ITGA8: variants seen among roughly 807,000 people sequenced by gnomAD.
ITGA8 encodes integrin subunit alpha 8, also known as integrin alpha-8.
ITGA8 carries 91 observed loss-of-function variants against 142.3 expected under a neutral mutation model. That is an observed-to-expected ratio of 0.64 (90% CI 0.54 to 0.76). The LOEUF is 0.76. Ranked by LOEUF, ITGA8 falls within the 30% of genes least tolerant of loss-of-function variation. The pLI, the probability that ITGA8 is intolerant of heterozygous loss-of-function variation, is 0.00. For synonymous variants in ITGA8, 505 were observed against 485.2 expected (o/e 1.04, Z -0.54); for missense variants, 1,406 against 1,327.7 (o/e 1.06, Z -0.92).
chr10:15,656,420 G>A (rs926889236), intron 10 of ITGA8, among the ~76,000 whole-genome samples: 1 of 151,914 alleles, frequency 6.6e-6, no homozygotes, highest in Admixed American at 6.6e-5. Context: ...CTGGAGTGCA[G>A]TGGTGTGATC....
At position 15,719,563 on chromosome 10, in the gene ITGA8, G is replaced by T. The variant is rs543367018; in HGVS notation, c.209C>A (p.Thr70Lys). The T allele has an allele frequency of 2.5e-5, 39 of 1,560,808 alleles. No homozygotes were observed. In the East Asian group the frequency reaches 9.1e-4, roughly 36 times the overall value. The change falls in exon 1 of 30, where the codon ACA becomes AAA. Residue 70 changes from threonine (T) to lysine (K), a missense_variant and splice_region_variant. Coordinates refer to ENST00000378076, the MANE Select transcript of ITGA8 (RefSeq NM_003638.3). Reference sequence around the variant, plus strand: ...CACCTCCCCGGGTCGGGCGACTTACGTGCGGGCGTCGGGTATGTGGAAGTC... The same window carrying T: ...CACCTCCCCGGGTCGGGCGACTTACTTGCGGGCGTCGGGTATGTGGAAGTC... ...AVDFHIPDAR[T>K]ASVLVGAPKA...
intron 28 of ITGA8, among the ~76,000 whole-genome samples, chr10:15,528,648 T>G (rs1293684546): frequency 6.6e-6 from 1 of 152,022 alleles, no homozygotes; most frequent in Admixed American, 6.6e-5. Flanking sequence ...GATGCAATCC[T>G]GTGGATGGAA....
chr10:15,710,087 T>C (rs1015252916), intron 2 of ITGA8, among the ~76,000 whole-genome samples: 1 of 152,162 alleles, frequency 6.6e-6, no homozygotes, highest in Non-Finnish European at 1.5e-5. Flanking sequence ...ATTTTTTCAT[T>C]ATTTTTCCTG....
intron 6 of ITGA8, among the ~76,000 whole-genome samples, chr10:15,673,164 A>C (rs542665888): frequency 1.3e-5 from 2 of 151,650 alleles, no homozygotes; most frequent in Admixed American, 6.6e-5. Context: ...GCTCACTGCA[A>C]CCTCTGTCTC....
rs1416355022 is a variant in ITGA8, at chr10:15,606,323, T to C, written c.1864A>G (p.Ile622Val). ...ATGTTTTCTCTGTAGTAGTTCAATATTGGTTTCACTTCCAGGCCTTCTTTA... is the reference window on the plus strand; with the variant it reads ...ATGTTTTCTCTGTAGTAGTTCAATACTGGTTTCACTTCCAGGCCTTCTTTA... ...TFKEGLEVKP[I>V]LNYYRENIVS... The change falls in exon 18 of 30, where the codon ATA becomes GTA. Residue 622 changes from isoleucine (I) to valine (V), a missense_variant. Ile to Val is a conservative substitution (Grantham distance 29). Coordinates refer to ENST00000378076, the MANE Select transcript of ITGA8 (RefSeq NM_003638.3). The C allele has an allele frequency of 3.7e-6, 6 of 1,612,156 alleles. No homozygotes were observed. The African/African-American group carries it at 5.3e-5, about 14-fold the overall frequency.
rs761217440 is a variant in ITGA8 at position 15,528,963 on chromosome 10, CTTCCTTCTTTCT to C, written c.2982+2075_2982+2086del. On this transcript the variant is annotated intron_variant, in intron 28 of 29. Transcript: ENST00000378076. ...TCTTCTCCCTTCCTTCCTTCCTTTC[CTTCCTTCTTTCT>C]TTCCTTCTTTCTTTCCTTCCTTCTT... is the stretch of plus-strand genomic sequence containing the variant. Among the ~76,000 whole-genome samples, 303 of 149,078 alleles carry C rather than the reference CTTCCTTCTTTCT, an allele frequency of 2.0e-3. 1 individual carries two copies. The highest frequency in any genetic ancestry group is 6.2e-3 in the African/African-American group (250 of 40,442).
intron 13 of ITGA8, among the ~76,000 whole-genome samples, chr10:15,620,709 G>C (rs1411649095): frequency 6.6e-6 from 1 of 152,180 alleles, no homozygotes; most frequent in Non-Finnish European, 1.5e-5. Flanking sequence ...TGATTTGCTG[G>C]TTTGTGTTTT....
chr10:15,691,930 A>T (rs906139101), intron 2 of ITGA8, among the ~76,000 whole-genome samples: 8 of 152,200 alleles, frequency 5.3e-5, no homozygotes, highest in African/African-American at 1.7e-4. Context: ...TACATTGTAC[A>T]CGATAAATAT....
intron 13 of ITGA8, among the ~76,000 whole-genome samples, chr10:15,629,350 G>A (rs1833642993): frequency 1.3e-5 from 2 of 152,030 alleles, no homozygotes; most frequent in Admixed American, 1.3e-4. Flanking sequence ...CCACGGCAAT[G>A]TAAATTGATA....
At chr10:15,571,420 AGAT>A (rs1268310727) in intron 25 of ITGA8, among the ~76,000 whole-genome samples, 1 of 152,228 alleles carries the variant, frequency 6.6e-6, no homozygotes. Flanking sequence ...TCTGACTACA[AGAT>A]GTTGTTGTCT....
At chr10:15,694,826 A>T (rs1835022194) in intron 2 of ITGA8, among the ~76,000 whole-genome samples, 1 of 151,342 alleles carries the variant, frequency 6.6e-6, no homozygotes, top group Admixed American at 6.6e-5. Flanking sequence ...CTCAGGAATG[A>T]ACTTATGACA....
At chr10:15,674,925 A>G (rs187009578) in intron 6 of ITGA8, among the ~76,000 whole-genome samples, 17 of 126,540 alleles carry the variant, frequency 1.3e-4, no homozygotes, top group Admixed American at 9.2e-4. Context: ...GGGCAACAAA[A>G]TGAGACTCGT....
At chr10:15,702,786 A>G (rs530805509) in intron 2 of ITGA8, among the ~76,000 whole-genome samples, 57 of 152,334 alleles carry the variant, frequency 3.7e-4, no homozygotes, top group South Asian at 8.3e-4. Context: ...TTTAAAAGGT[A>G]GGGCTCAAAA....
intron 22 of ITGA8, among the ~76,000 whole-genome samples, chr10:15,589,665 T>G (rs764409535): frequency 8.9e-4 from 135 of 152,120 alleles, no homozygotes; most frequent in Non-Finnish European, 1.1e-3. Context: ...TAGATCCTTA[T>G]TTACAGCTTT....
At chr10:15,683,963 A>G (rs878922597) in intron 4 of ITGA8, 41 bp downstream of exon 4, 1 of 1,612,434 alleles carries the variant, frequency 6.2e-7, no homozygotes, top group South Asian at 1.1e-5. Flanking sequence ...ATAGAAAAGC[A>G]CTTGAGCTAA....
chr10:15,687,325 C>A (rs1404136269), intron 3 of ITGA8, among the ~76,000 whole-genome samples: 1 of 151,828 alleles, frequency 6.6e-6, no homozygotes, highest in African/African-American at 2.4e-5. Context: ...AAAAAGACTT[C>A]CAGATTACTT....
rs570271119 is a variant in ITGA8 at position 15,671,575 on chromosome 10, G to A, written c.847+28C>T. The A allele has an allele frequency of 1.8e-5, 29 of 1,589,626 alleles. No individual in the cohort carries two copies. The South Asian group carries it at 3.1e-4, about 17-fold the overall frequency. Reference sequence around the variant, plus strand: ...TTTACCATTTCCCCATGCTTTATAAGTGATTTAAACTCAACAGTGCCTCTC... The same window carrying A: ...TTTACCATTTCCCCATGCTTTATAAATGATTTAAACTCAACAGTGCCTCTC... On this transcript the variant is annotated intron_variant, in intron 8 of 29. Coordinates refer to ENST00000378076, the MANE Select transcript of ITGA8 (RefSeq NM_003638.3).
chr10:15,636,678 C>T (rs1833777275), intron 13 of ITGA8, among the ~76,000 whole-genome samples: 1 of 152,154 alleles, frequency 6.6e-6, no homozygotes, highest in African/African-American at 2.4e-5. Context: ...TAGTTGTTAC[C>T]AAGCCTTGTC....
chr10:15,718,173 C>T (rs1384617932), intron 2 of ITGA8, among the ~76,000 whole-genome samples: 1 of 152,184 alleles, frequency 6.6e-6, no homozygotes, highest in Non-Finnish European at 1.5e-5. Context: ...TGTATTTTCC[C>T]TTTAATTAAA....
Sources: gnomAD v4.1 joint callset for allele counts (sites outside exome capture counted in the v4.1 genomes callset) on GRCh38, gnomAD v4.1.1 for gene constraint, MANE v1.5 for transcripts, NCBI Gene and HGNC (gene_info 2026-07-23, HGNC 2026-07-21) for gene names.